Variants in ZMYM1 observed in about 807,000 individuals in gnomAD.
ZMYM1 encodes zinc finger MYM-type protein 1.
A neutral mutation model predicts 60.0 loss-of-function variants in ZMYM1; 39 were observed. That is an observed-to-expected ratio of 0.65 (90% CI 0.50 to 0.85). ZMYM1 has a LOEUF of 0.85. Ranked by LOEUF, ZMYM1 falls within the 40% of genes least tolerant of loss-of-function variation. ZMYM1 has a pLI of 0.00. For synonymous variants in ZMYM1, 413 were observed against 454.0 expected (o/e 0.91, Z 1.15); for missense variants, 1,171 against 1,309.5 (o/e 0.89, Z 1.63).
downstream of ZMYM1, among the ~76,000 whole-genome samples, chr1:35,116,813 G>GGT (rs1179085945): frequency 6.9e-6 from 1 of 145,046 alleles, no homozygotes; most frequent in Non-Finnish European, 1.5e-5. Flanking sequence ...AGAATTAAGT[G>GGT]GTATATATAT....
chr1:35,098,024 GAT>G (rs1643432773), intron 4 of ZMYM1, among the ~76,000 whole-genome samples: 1 of 152,064 alleles, frequency 6.6e-6, no homozygotes, highest in Non-Finnish European at 1.5e-5. Context: ...TCCTCTGATG[GAT>G]TCTGTAGAAA....
At position 35,113,110 on chromosome 1, in the gene ZMYM1, A is replaced by G; in HGVS notation, c.1280A>G (p.Asn427Ser). ...IGSSTEVQKDNMKSMKISDEL... is the reference protein window; with the variant it reads ...IGSSTEVQKDSMKSMKISDEL... ...TCCAGTACAGAAGTACAAAAAGACA[A>G]TATGAAATCTATGAAAATAAGTGAT... Residue 427 changes from asparagine to serine, a missense_variant, in exon 10 of 10, where the codon AAT (asparagine) becomes AGT (serine). Physicochemically the swap from Asn to Ser is conservative, Grantham distance 46. Transcript: ENST00000359858. 6.2e-7 allele frequency: 1 copy of G among 1,614,078 alleles called. No individual in the cohort carries two copies. Among genetic ancestry groups the G allele is most frequent in the Non-Finnish European group, 8.5e-7 (1 of 1,179,980 alleles).
chr1:35,087,943 C>CCCCA (rs1237585528), intron 1 of ZMYM1, among the ~76,000 whole-genome samples: 3 of 151,990 alleles, frequency 2.0e-5, no homozygotes, highest in Non-Finnish European at 4.4e-5. Flanking sequence ...TGCCTATAAT[C>CCCCA]CCAGCTACTC....
At chr1:35,068,775 C>A (rs548152182) in intron 1 of ZMYM1, among the ~76,000 whole-genome samples, 1 of 151,700 alleles carries the variant, frequency 6.6e-6, no homozygotes, top group South Asian at 2.1e-4. Context: ...TGAGAAAAAT[C>A]TTCATAACAT....
At chr1:35,107,979 C>T (rs1257092155) in intron 6 of ZMYM1, among the ~76,000 whole-genome samples, 5 of 151,846 alleles carry the variant, frequency 3.3e-5, no homozygotes, top group African/African-American at 1.2e-4. Context: ...CATAGTGGCA[C>T]ACACCTAATA....
chr1:35,110,823 A>T (rs1342374910), intron 7 of ZMYM1, among the ~76,000 whole-genome samples: 3 of 152,086 alleles, frequency 2.0e-5, no homozygotes, highest in African/African-American at 4.8e-5. Flanking sequence ...AGTCCCAGCT[A>T]CTTAGGAGGC....
At chr1:35,117,846 G>A (rs552538529), downstream of ZMYM1, among the ~76,000 whole-genome samples, 4 of 151,878 alleles carry the variant, frequency 2.6e-5, no homozygotes, top group East Asian at 7.9e-4. Context: ...AGGCTGAGAC[G>A]GGAGAATAGC....
chr1:35,108,699 AT>A (rs771920421), intron 6 of ZMYM1, among the ~76,000 whole-genome samples: 1,592 of 106,756 alleles, frequency 0.015, 29 homozygotes, highest in African/African-American at 0.047. Flanking sequence ...TCCATCGGTG[AT>A]TTTTTTTTTT....
At chr1:35,088,504 G>GTATA (rs1642807910) in intron 1 of ZMYM1, among the ~76,000 whole-genome samples, 2 of 108,630 alleles carry the variant, frequency 1.8e-5, no homozygotes, top group African/African-American at 6.2e-5. Flanking sequence ...GTGTGTGTAT[G>GTATA]TACATATATG....
intron 3 of ZMYM1, among the ~76,000 whole-genome samples, chr1:35,096,324 A>AAAAG (rs1269225316): frequency 0.014 from 2,083 of 151,066 alleles, 44 homozygotes; most frequent in African/African-American, 0.046. Flanking sequence ...AAAAAAAAAA[A>AAAAG]AGAGAAGAAA....
At chr1:35,108,088 G>A (rs1250783404) in intron 6 of ZMYM1, among the ~76,000 whole-genome samples, 1 of 151,976 alleles carries the variant, frequency 6.6e-6, no homozygotes, top group Non-Finnish European at 1.5e-5. Flanking sequence ...CTCCAGCCTG[G>A]ACAACAGAGC....
rs904962010 is a variant in ZMYM1 at position 35,085,765 on chromosome 1, G to C, written c.-75+6323G>C. On this transcript the variant is annotated intron_variant, in intron 1 of 9. Transcript: ENST00000359858. ...ATAGGGAATTATTGTTGTTAAATCA[G>C]TATTCTGTACCCCTCATTCCCAGCC... is the stretch of plus-strand genomic sequence containing the variant. Among the ~76,000 whole-genome samples the C allele has an allele frequency of 2.0e-5, 3 of 152,210 alleles. No homozygotes were observed. The South Asian group carries it at 6.2e-4, about 32-fold the overall frequency.
At chr1:35,092,698 G>A (rs1643097616) in intron 1 of ZMYM1, among the ~76,000 whole-genome samples, 1 of 151,328 alleles carries the variant, frequency 6.6e-6, no homozygotes, top group Admixed American at 6.6e-5. Context: ...CGCGATCTTG[G>A]CCCACTGCAA....
upstream of ZMYM1, among the ~76,000 whole-genome samples, chr1:35,078,514 A>T (rs887825043): frequency 7.0e-6 from 1 of 143,264 alleles, no homozygotes; most frequent in Non-Finnish European, 1.5e-5. Context: ...ATTATTTTTG[A>T]CATGCAGTTT....
In ZMYM1 at chr1:35,081,040, C is replaced by A. The variant is rs1339615230; in HGVS notation, c.-75+1598C>A. Among the ~76,000 whole-genome samples, 8 of 152,068 alleles carry A rather than the reference C, an allele frequency of 5.3e-5. No homozygotes were observed. The South Asian group carries it at 1.7e-3, about 32-fold the overall frequency. On this transcript the variant is annotated intron_variant, in intron 1 of 9. Transcript: ENST00000359858. ...CTCACTGCAACCTCCACCTCCAGTT[C>A]AAGTGATTCTCCTGCCTCAGCCTCC...
At chr1:35,086,827 G>A (rs1188152967) in intron 1 of ZMYM1, among the ~76,000 whole-genome samples, 1 of 151,140 alleles carries the variant, frequency 6.6e-6, no homozygotes, top group Non-Finnish European at 1.5e-5. Flanking sequence ...GATTACAGGC[G>A]CCCACCACCA....
chr1:35,118,340 C>G (rs571690025), downstream of ZMYM1, among the ~76,000 whole-genome samples: 2 of 151,762 alleles, frequency 1.3e-5, no homozygotes, highest in South Asian at 2.1e-4. Flanking sequence ...AGGCTATGAA[C>G]TTTCCTCTAA....
At chr1:35,099,855 G>A (rs1261026385) in intron 4 of ZMYM1, among the ~76,000 whole-genome samples, 5 of 151,852 alleles carry the variant, frequency 3.3e-5, no homozygotes, top group Non-Finnish European at 7.4e-5. Context: ...GTGAGCCACC[G>A]TGCTGATTTT....
chr1:35,103,124 G>A (rs965397181), intron 4 of ZMYM1, among the ~76,000 whole-genome samples: 1 of 152,094 alleles, frequency 6.6e-6, no homozygotes, highest in South Asian at 2.1e-4. Flanking sequence ...AGTGAAATTT[G>A]TATACCAAGA....
Sources: gnomAD v4.1 joint callset for allele counts (sites outside exome capture counted in the v4.1 genomes callset) on GRCh38, gnomAD v4.1.1 for gene constraint, MANE v1.5 for transcripts, NCBI Gene and HGNC (gene_info 2026-07-23, HGNC 2026-07-21) for gene names.